ETF1: variants seen among roughly 807,000 people sequenced by gnomAD.
ETF1 encodes eukaryotic peptide chain release factor subunit 1.
A neutral mutation model predicts 55.1 loss-of-function variants in ETF1; 4 were observed. That is an observed-to-expected ratio of 0.07 (90% CI 0.04 to 0.17). ETF1 has a LOEUF of 0.17. ETF1 is among the 10% of genes least tolerant of loss of function. ETF1 has a pLI of 1.00. For missense variants in ETF1, 142 were observed against 523.6 expected (o/e 0.27, Z 7.11); for synonymous variants, 157 against 182.3 (o/e 0.86, Z 1.12).
intron 2 of ETF1, among the ~76,000 whole-genome samples, chr5:138,539,205 C>T (rs961692060): frequency 1.3e-5 from 2 of 152,158 alleles, no homozygotes; most frequent in African/African-American, 2.4e-5. Context: ...ACTGTCCATT[C>T]CTTTGTCACA....
At chr5:138,542,715 A>C (rs1766236425) in intron 2 of ETF1, 118 bp downstream of exon 2, 1 of 1,523,376 alleles carries the variant, frequency 6.6e-7, no homozygotes, top group Non-Finnish European at 8.8e-7. Flanking sequence ...CCAGAGATCC[A>C]GAAGGCGGGA....
intron 9 of ETF1, among the ~76,000 whole-genome samples, chr5:138,510,172 A>G (rs1764710981): frequency 6.6e-6 from 1 of 151,648 alleles, no homozygotes; most frequent in Non-Finnish European, 1.5e-5. Context: ...GCCCAGGGCA[A>G]CATGGTGAAA....
At chr5:138,533,891 T>A (rs190212335) in intron 2 of ETF1, among the ~76,000 whole-genome samples, 1 of 152,284 alleles carries the variant, frequency 6.6e-6, no homozygotes, top group Non-Finnish European at 1.5e-5. Flanking sequence ...ATCCTCACAT[T>A]AATGCCACCC....
intron 4 of ETF1, among the ~76,000 whole-genome samples, chr5:138,516,810 A>G (rs1037709527): frequency 2.6e-5 from 4 of 152,238 alleles, no homozygotes; most frequent in Non-Finnish European, 5.9e-5. Context: ...AAGAAACATG[A>G]AAATGTATGG....
intron 2 of ETF1, among the ~76,000 whole-genome samples, chr5:138,539,119 G>A (rs1766070900): frequency 6.6e-6 from 1 of 152,182 alleles, no homozygotes; most frequent in South Asian, 2.1e-4. Context: ...CATTGGATAA[G>A]AAACACATAA....
chr5:138,538,492 C>T (rs998836506), intron 2 of ETF1, among the ~76,000 whole-genome samples: 1 of 152,144 alleles, frequency 6.6e-6, no homozygotes, highest in Non-Finnish European at 1.5e-5. Flanking sequence ...GCCCAGTCCT[C>T]ATGTGGCCTA....
intron 2 of ETF1, chr5:138,541,622 T>TA (rs2127140894): frequency 6.5e-7 from 1 of 1,529,934 alleles, no homozygotes. Flanking sequence ...AATCTACCCA[T>TA]AAATGACAAT....
chr5:138,513,962 TAA>T, intron 4 of ETF1: 1 of 890,806 alleles, frequency 1.1e-6, no homozygotes, highest in Non-Finnish European at 1.3e-6. Flanking sequence ...CATGTAAATA[TAA>T]AACCAGAAAG....
Position 138,538,165 on chromosome 5 carries a change from C to T in ETF1, c.86+4668G>A, listed in dbSNP as rs770853767. 2.5e-4 allele frequency among the ~76,000 whole-genome samples: 38 copies of T among 149,446 alleles called. 3 individuals are homozygous for T. The highest frequency in any genetic ancestry group is 4.1e-4 in the Non-Finnish European group (28 of 67,556). On this transcript the variant is annotated intron_variant, in intron 2 of 10. Coordinates refer to ENST00000360541, the MANE Select transcript of ETF1 (RefSeq NM_004730.4). Reference sequence around the variant, plus strand: ...TTGGCCTCCCAAAGTGCTAGGATTACAGGCGTGAGCCACCACGCCCGGCCT... The same window carrying T: ...TTGGCCTCCCAAAGTGCTAGGATTATAGGCGTGAGCCACCACGCCCGGCCT...
chr5:138,508,572 T>C, intron 10 of ETF1, 97 bp downstream of exon 10: 1 of 1,563,120 alleles, frequency 6.4e-7, no homozygotes, highest in Non-Finnish European at 8.6e-7. Context: ...TCCCAGCAGA[T>C]AATAAGCACC....
Position 138,508,045 on chromosome 5 carries a change from C to A in ETF1, c.*260G>T. On this transcript the variant is annotated 3_prime_UTR_variant, in exon 11 of 11. Transcript: ENST00000360541. ...TTTCACCATCCAGTAAAAGTAAAAA[C>A]TGGGATTCTTTTTTAAATTAGTCCA... is the stretch of plus-strand genomic sequence containing the variant. 8.0e-6 allele frequency: 3 copies of A among 377,310 alleles called. No homozygotes were observed. Among genetic ancestry groups the A allele is most frequent in the Non-Finnish European group, 1.4e-5 (3 of 212,156 alleles). 23.4% of individuals were successfully genotyped at this position (377,310 alleles called of 1,614,324 possible). A position where few individuals can be genotyped will look rare whatever the true frequency, so the allele number is the denominator to read the frequency against.
intron 2 of ETF1, among the ~76,000 whole-genome samples, chr5:138,527,638 G>GGTCC (rs1269625108): frequency 1.3e-5 from 2 of 152,096 alleles, no homozygotes; most frequent in Non-Finnish European, 2.9e-5. Context: ...CTGACACAGG[G>GGTCC]GTCCACTCAT....
intron 4 of ETF1, chr5:138,514,177 A>G (rs1764922977): frequency 6.6e-6 from 1 of 152,390 alleles, no homozygotes; most frequent in South Asian, 2.1e-4. Context: ...TCAGAGACAA[A>G]AAGTCAAATG....
chr5:138,510,358 A>C (rs1302121183), intron 9 of ETF1, among the ~76,000 whole-genome samples: 1 of 3,700 alleles, frequency 2.7e-4, no homozygotes, highest in Non-Finnish European at 7.9e-4. Context: ...ACCTTGTCTC[A>C]AAAAAAAAAA....
intron 2 of ETF1, among the ~76,000 whole-genome samples, chr5:138,535,635 C>T (rs1159155235): frequency 3.3e-5 from 5 of 150,234 alleles, no homozygotes; most frequent in South Asian, 2.1e-4. Flanking sequence ...GCAGGAGAAT[C>T]GCTTGAACCT....
chr5:138,533,162 A>C (rs1350027871), intron 2 of ETF1, among the ~76,000 whole-genome samples: 2 of 151,642 alleles, frequency 1.3e-5, no homozygotes, highest in Non-Finnish European at 2.9e-5. Context: ...CTGGTCTCGA[A>C]CTCCTGACCT....
intron 2 of ETF1, among the ~76,000 whole-genome samples, chr5:138,526,126 T>C (rs1264921268): frequency 3.3e-5 from 5 of 152,088 alleles, no homozygotes; most frequent in Non-Finnish European, 5.9e-5. Flanking sequence ...TTCCCCTAAT[T>C]ACTGAGAGTG....
At chr5:138,535,830 G>A (rs534087192) in intron 2 of ETF1, among the ~76,000 whole-genome samples, 2 of 114,766 alleles carry the variant, frequency 1.7e-5, no homozygotes, top group African/African-American at 3.4e-5. Flanking sequence ...AGCTGAGATC[G>A]CACCACTGCA....
intron 2 of ETF1, among the ~76,000 whole-genome samples, chr5:138,523,187 T>C (rs1380633982): frequency 6.6e-6 from 1 of 151,858 alleles, no homozygotes; most frequent in African/African-American, 2.4e-5. Flanking sequence ...ACCAACATGG[T>C]GAAACCCCGT....
Sources: gnomAD v4.1 joint callset for allele counts (sites outside exome capture counted in the v4.1 genomes callset) on GRCh38, gnomAD v4.1.1 for gene constraint, MANE v1.5 for transcripts, NCBI Gene and HGNC (gene_info 2026-07-23, HGNC 2026-07-21) for gene names.